BTRC: variants seen among roughly 807,000 people sequenced by gnomAD.
BTRC encodes the protein F-box/WD repeat-containing protein 1A.
Under a neutral mutation model 85.5 loss-of-function variants are expected in BTRC, and 42 were observed. That is an observed-to-expected ratio of 0.49 (90% CI 0.38 to 0.64). BTRC has a LOEUF of 0.64. Among genes scored for constraint, BTRC ranks in the 30% least tolerant of loss-of-function variants. The probability of loss-of-function intolerance (pLI) is 0.00; values close to 1 mark genes in which losing one functional copy is unlikely to be tolerated. For missense variants in BTRC, 594 were observed against 743.5 expected (o/e 0.80, Z 2.34); for synonymous variants, 255 against 263.3 (o/e 0.97, Z 0.30).
At chr10:101,384,401 G>A (rs1460739143) in intron 1 of BTRC, among the ~76,000 whole-genome samples, 3 of 152,226 alleles carry the variant, frequency 2.0e-5, no homozygotes, top group African/African-American at 7.2e-5. Context: ...ATTAGTGCCA[G>A]TACGTGCAGG....
intron 2 of BTRC, among the ~76,000 whole-genome samples, chr10:101,435,869 C>T (rs1031221463): frequency 2.5e-4 from 37 of 146,276 alleles, no homozygotes; most frequent in Non-Finnish European, 4.1e-4. Context: ...GGCTTCATGA[C>T]TTTTTTTTTT....
At chr10:101,546,845 C>G (rs2062565445) in intron 13 of BTRC, among the ~76,000 whole-genome samples, 2 of 152,152 alleles carry the variant, frequency 1.3e-5, no homozygotes, top group Non-Finnish European at 2.9e-5. Flanking sequence ...TGAAAGAGAT[C>G]CCAGATCTTC....
chr10:101,374,346 G>A (rs149480420), intron 1 of BTRC, among the ~76,000 whole-genome samples: 10,611 of 151,724 alleles, frequency 0.07, 401 homozygotes, highest in African/African-American at 0.082. Context: ...TGTTTATTGC[G>A]GCATTATTCA....
At chr10:101,468,607 TG>T (rs1341558342) in intron 3 of BTRC, among the ~76,000 whole-genome samples, 1 of 152,198 alleles carries the variant, frequency 6.6e-6, no homozygotes, top group East Asian at 1.9e-4. Flanking sequence ...TATTCTTGTG[TG>T]GGACATGATT....
At chr10:101,528,959 T>C (rs2062241223) in intron 6 of BTRC, among the ~76,000 whole-genome samples, 2 of 152,238 alleles carry the variant, frequency 1.3e-5, no homozygotes, top group South Asian at 4.1e-4. Flanking sequence ...GGACATGAAC[T>C]CTGTAGTTTT....
chr10:101,534,896 G>A lies in BTRC; in HGVS notation c.1333G>A (p.Asp445Asn). Reference protein sequence around the residue: ...DDKYIVSASGDRTIKVWNTST... With the variant: ...DDKYIVSASGNRTIKVWNTST... ...CAAGTACATTGTTTCTGCATCTGGG[G>A]ATAGAACTATAAAGGTAATAAGGCA... The change falls in exon 10 of 15, where the codon GAT becomes AAT. Residue 445 changes from aspartate to asparagine, a missense_variant. By Grantham distance (23) the Asp-to-Asn change is conservative. Coordinates refer to ENST00000370187, the MANE Select transcript of BTRC (RefSeq NM_033637.4). 1.2e-6 allele frequency: 2 copies of A among 1,614,090 alleles called. No homozygotes were observed. The highest frequency in any genetic ancestry group is 1.7e-6 in the Non-Finnish European group (2 of 1,179,954).
chr10:101,417,260 A>G (rs1943971296), intron 1 of BTRC, among the ~76,000 whole-genome samples: 1 of 152,252 alleles, frequency 6.6e-6, no homozygotes, highest in African/African-American at 2.4e-5. Context: ...ATCACATGAT[A>G]CATTTAGTAG....
intron 1 of BTRC, among the ~76,000 whole-genome samples, chr10:101,380,999 G>A (rs1281377102): frequency 6.6e-6 from 1 of 152,112 alleles, no homozygotes; most frequent in Admixed American, 6.5e-5. Flanking sequence ...CATAGAAAGG[G>A]TACGGTAAAA....
At chr10:101,525,960 A>AG (rs2062185045) in intron 5 of BTRC, 53 bp from the exon 6 acceptor site, 1 of 1,559,854 alleles carries the variant, frequency 6.4e-7, no homozygotes, top group African/African-American at 1.4e-5. Context: ...TTTGTAAAAA[A>AG]TCATTCGCCA....
intron 1 of BTRC, among the ~76,000 whole-genome samples, chr10:101,367,358 C>T (rs912926119): frequency 2.0e-5 from 3 of 151,772 alleles, no homozygotes; most frequent in Admixed American, 6.6e-5. Flanking sequence ...GTGAGCCACT[C>T]ACTGCGCCTG....
chr10:101,417,477 G>T (rs1047792055), intron 1 of BTRC, among the ~76,000 whole-genome samples: 6 of 152,150 alleles, frequency 3.9e-5, no homozygotes. Flanking sequence ...TTATTGAATA[G>T]TATCAGGTGA....
At chr10:101,516,081 T>C (rs561545317) in intron 4 of BTRC, among the ~76,000 whole-genome samples, 38 of 152,196 alleles carry the variant, frequency 2.5e-4, no homozygotes, top group African/African-American at 8.9e-4. Flanking sequence ...TGTTATACTT[T>C]AATGAAAATT....
chr10:101,471,136 T>TTC (rs1200680157), intron 3 of BTRC, among the ~76,000 whole-genome samples: 1 of 152,160 alleles, frequency 6.6e-6, no homozygotes, highest in Non-Finnish European at 1.5e-5. Context: ...GTAGTGTGAG[T>TTC]TCTCTAGATT....
intron 3 of BTRC, among the ~76,000 whole-genome samples, chr10:101,475,872 CTGAG>C (rs1392087588): frequency 1.5e-5 from 2 of 137,542 alleles, no homozygotes; most frequent in African/African-American, 5.3e-5. Context: ...AATTAGCAAG[CTGAG>C]ATGCAAGTAG....
At chr10:101,358,861 A>G (rs1425712099) in intron 1 of BTRC, among the ~76,000 whole-genome samples, 1 of 152,198 alleles carries the variant, frequency 6.6e-6, no homozygotes, top group Non-Finnish European at 1.5e-5. Flanking sequence ...GGGAGGAGAA[A>G]TAATGTCTAC....
intron 1 of BTRC, among the ~76,000 whole-genome samples, chr10:101,385,615 C>CTTTTTTTTTTTTTTTTT (rs146804594): frequency 1.4e-4 from 7 of 48,900 alleles, no homozygotes; most frequent in African/African-American, 3.3e-4. Context: ...CTTTCTTCTT[C>CTTTTTTTTTTTTTTTTT]TTCTTTTTTT....
At chr10:101,479,196 C>T (rs1945772750) in intron 3 of BTRC, among the ~76,000 whole-genome samples, 172 bp from the exon 4 acceptor site, 1 of 133,424 alleles carries the variant, frequency 7.5e-6, no homozygotes, top group Non-Finnish European at 1.8e-5. Context: ...GCTTTTGTAG[C>T]CTCTATCTTT....
chr10:101,406,524 CTTTTTTTTTTTTTTT>C (rs58902120), intron 1 of BTRC, among the ~76,000 whole-genome samples: 2 of 50,426 alleles, frequency 4.0e-5, no homozygotes, highest in South Asian at 9.8e-4. Flanking sequence ...TCTCAGGTTT[CTTTTTTTTTTTTTTT>C]TTTTTTTTTT....
chr10:101,482,393 CTTTT>C (rs55978440), intron 4 of BTRC, among the ~76,000 whole-genome samples: 1 of 99,814 alleles, frequency 1.0e-5, no homozygotes, highest in Non-Finnish European at 2.1e-5. Flanking sequence ...TTGTTTGTTT[CTTTT>C]TTTTTTTTTT....
Sources: allele counts gnomAD v4.1 joint callset (sites outside exome capture counted in the v4.1 genomes callset), GRCh38; gene constraint gnomAD v4.1.1; transcripts MANE v1.5; gene names NCBI Gene and HGNC (gene_info 2026-07-23, HGNC 2026-07-21).